The following SYN3 variants were observed in gnomAD, a reference collection of about 807,000 sequenced individuals.
SYN3 encodes the protein synapsin-3.
A neutral mutation model predicts 65.8 loss-of-function variants in SYN3; 35 were observed. The observed-to-expected ratio is 0.53, with a 90% CI of 0.41 to 0.70. The LOEUF is 0.70. Among genes scored for constraint, SYN3 ranks in the 30% least tolerant of loss-of-function variants. The pLI is 0.00. For missense variants in SYN3, 680 were observed against 749.0 expected (o/e 0.91, Z 1.08); for synonymous variants, 270 against 292.9 (o/e 0.92, Z 0.80).
At position 32,984,947 on chromosome 22, in the gene SYN3, A is replaced by C. The variant is rs183252071; in HGVS notation, c.312-4245T>G. Among the ~76,000 whole-genome samples, 6 of 152,332 alleles carry C rather than the reference A, an allele frequency of 3.9e-5. No individual in the cohort carries two copies. In the East Asian group the frequency reaches 1.2e-3, roughly 29 times the overall value. Reference sequence around the variant, plus strand: ...CTGGGTCTCAGTTTCCTCATTTGTCAAGTGGTGACAGTAACTACCAGGGAA... The same window carrying C: ...CTGGGTCTCAGTTTCCTCATTTGTCCAGTGGTGACAGTAACTACCAGGGAA... On this transcript the variant is annotated intron_variant, in intron 2 of 13. Coordinates refer to ENST00000358763, the MANE Select transcript of SYN3 (RefSeq NM_003490.4).
At chr22:33,034,383 A>C (rs1453844797) in intron 1 of SYN3, among the ~76,000 whole-genome samples, 1 of 151,382 alleles carries the variant, frequency 6.6e-6, no homozygotes, top group East Asian at 2.0e-4. Flanking sequence ...AGTAGGTGGG[A>C]TTACAGGTGC....
At chr22:32,965,231 A>C (rs1023837312) in intron 3 of SYN3, among the ~76,000 whole-genome samples, 1 of 143,956 alleles carries the variant, frequency 6.9e-6, no homozygotes, top group African/African-American at 2.6e-5. Flanking sequence ...ATCTTGCTTT[A>C]CCTGCACTGT....
At chr22:32,580,870 T>C (rs1395370412) in intron 7 of SYN3, among the ~76,000 whole-genome samples, 2 of 152,184 alleles carry the variant, frequency 1.3e-5, no homozygotes, top group African/African-American at 4.8e-5. Context: ...GATCATGGTC[T>C]AGCAGCATTG....
chr22:32,777,662 G>C (rs2045941823), intron 6 of SYN3, among the ~76,000 whole-genome samples: 1 of 152,150 alleles, frequency 6.6e-6, no homozygotes, highest in African/African-American at 2.4e-5. Flanking sequence ...CAGATTTACA[G>C]GGAGAGAGGC....
intron 1 of SYN3, among the ~76,000 whole-genome samples, chr22:33,041,044 A>C (rs1279619702): frequency 6.6e-6 from 1 of 151,362 alleles, no homozygotes; most frequent in East Asian, 2.0e-4. Context: ...CCTCCCGAGT[A>C]GCTGGGATTA....
At chr22:32,713,794 G>T (rs2060998885) in intron 6 of SYN3, among the ~76,000 whole-genome samples, 1 of 147,128 alleles carries the variant, frequency 6.8e-6, no homozygotes, top group African/African-American at 2.5e-5. Flanking sequence ...TTGTGCCAGT[G>T]CACTCCAGCC....
chr22:33,026,741 G>A (rs1337305105), intron 1 of SYN3, among the ~76,000 whole-genome samples: 2 of 152,056 alleles, frequency 1.3e-5, no homozygotes, highest in Non-Finnish European at 1.5e-5. Context: ...CATGCCCATC[G>A]ACCTGGTTGG....
Position 32,513,654 on chromosome 22 carries a change from T to C in SYN3, c.*38A>G. The C allele has an allele frequency of 1.2e-6, 2 of 1,608,522 alleles. No individual in the cohort carries two copies. Among genetic ancestry groups the C allele is most frequent in the Non-Finnish European group, 1.7e-6 (2 of 1,176,718 alleles). ...GAAGATGAGGCAGGAGGGGGACGAG[T>C]GTAGCAGAGCACTCTTCCCCTCCCA... On this transcript the variant is annotated 3_prime_UTR_variant, in exon 14 of 14. Coordinates refer to ENST00000358763, the MANE Select transcript of SYN3 (RefSeq NM_003490.4).
At chr22:32,969,676 C>G (rs1243941223) in intron 3 of SYN3, among the ~76,000 whole-genome samples, 1 of 152,196 alleles carries the variant, frequency 6.6e-6, no homozygotes, top group Non-Finnish European at 1.5e-5. Flanking sequence ...GTCACTTCCC[C>G]TCTCTGAACC....
rs541779603 is a variant in SYN3, at chr22:32,573,943, T to A, written c.774+22731A>T. Among the ~76,000 whole-genome samples, 40 of 151,130 alleles carry A rather than the reference T, an allele frequency of 2.6e-4. No homozygotes were observed. In the East Asian group the frequency reaches 4.3e-3, roughly 16 times the overall value. ...CGCTGCCACGCCCGGCTAATTTTTT[T>A]TTTTTTTTTATTTTAGTAGAGACGG... On this transcript the variant is annotated intron_variant, in intron 7 of 13. Coordinates refer to ENST00000358763, the MANE Select transcript of SYN3 (RefSeq NM_003490.4).
chr22:32,587,928 C>G (rs1230400444), intron 7 of SYN3, among the ~76,000 whole-genome samples: 1 of 152,132 alleles, frequency 6.6e-6, no homozygotes, highest in Admixed American at 6.5e-5. Flanking sequence ...TGAGCTCAGC[C>G]AGACTGCCTG....
chr22:32,887,733 AT>A (rs2049332079), intron 4 of SYN3, among the ~76,000 whole-genome samples: 1 of 152,146 alleles, frequency 6.6e-6, no homozygotes, highest in African/African-American at 2.4e-5. Flanking sequence ...CATGTACCAC[AT>A]TTTGTTTATT....
At chr22:32,986,303 C>T (rs1376979672) in intron 2 of SYN3, among the ~76,000 whole-genome samples, 1 of 152,184 alleles carries the variant, frequency 6.6e-6, no homozygotes, top group Non-Finnish European at 1.5e-5. Context: ...TGGCATTCCT[C>T]GACTTGATTC....
intron 3 of SYN3, among the ~76,000 whole-genome samples, chr22:32,978,414 G>A (rs548814011): frequency 1.9e-4 from 29 of 152,184 alleles, no homozygotes; most frequent in Non-Finnish European, 2.6e-4. Context: ...TAGGGTGGGC[G>A]CAGGGGAAGA....
intron 6 of SYN3, among the ~76,000 whole-genome samples, chr22:32,854,870 G>A (rs1052249541): frequency 6.6e-6 from 1 of 152,066 alleles, no homozygotes; most frequent in African/African-American, 2.4e-5. Flanking sequence ...AGGCAGGGGC[G>A]CCCAAACTCA....
intron 1 of SYN3, among the ~76,000 whole-genome samples, chr22:33,047,736 C>T (rs921460112): frequency 6.6e-6 from 1 of 151,824 alleles, no homozygotes; most frequent in Non-Finnish European, 1.5e-5. Flanking sequence ...TCTGTAACAC[C>T]TTTCCAAGGA....
chr22:33,050,489 A>C (rs1327408501), intron 1 of SYN3, among the ~76,000 whole-genome samples: 2 of 147,050 alleles, frequency 1.4e-5, no homozygotes, highest in African/African-American at 5.4e-5. Context: ...CAAAAAAAAA[A>C]AAAAAAAAAA....
chr22:32,697,111 G>A (rs910967305), intron 6 of SYN3, among the ~76,000 whole-genome samples: 7 of 152,158 alleles, frequency 4.6e-5, no homozygotes, highest in African/African-American at 1.7e-4. Context: ...GATGTGGATC[G>A]AACATGTATG....
rs2060436252 is a variant in SYN3 at position 32,676,055 on chromosome 22, A to ACTG, written c.712-79320_712-79319insCAG. Among the ~76,000 whole-genome samples the ACTG allele has an allele frequency of 1.4e-3, 219 of 151,964 alleles. 2 individuals carry two copies. The highest frequency in any genetic ancestry group is 6.8e-3 in the Middle Eastern group (2 of 292). On this transcript the variant is annotated intron_variant, in intron 6 of 13. Coordinates refer to ENST00000358763, the MANE Select transcript of SYN3 (RefSeq NM_003490.4). ...GAGCACTCTTCCAGCCCCAGGATGA[A>ACTG]CTCTGAGGATGAAGACTACCTGAAA...
Sources: allele counts gnomAD v4.1 joint callset (sites outside exome capture counted in the v4.1 genomes callset), GRCh38; gene constraint gnomAD v4.1.1; transcripts MANE v1.5; gene names NCBI Gene and HGNC (gene_info 2026-07-23, HGNC 2026-07-21).